Variants in DNAH3 observed in about 807,000 individuals in gnomAD.
DNAH3 encodes axonemal beta dynein heavy chain 3.
Under a neutral mutation model 432.5 loss-of-function variants are expected in DNAH3, and 332 were observed. That is an observed-to-expected ratio of 0.77 (90% CI 0.70 to 0.84). The LOEUF (loss-of-function observed/expected upper bound fraction) is 0.84, where lower values mean the gene tolerates loss of function less well. DNAH3 is among the 40% of genes least tolerant of loss of function. DNAH3 has a pLI of 0.00. For missense variants in DNAH3, 4,861 were observed against 5,114.0 expected, an observed-to-expected ratio of 0.95 and a Z score of 1.51; for synonymous variants, 1,956 against 1,900.2, an observed-to-expected ratio of 1.03 and a Z score of -0.76.
At chr16:21,129,717 A>G (rs907360877) in intron 7 of DNAH3, among the ~76,000 whole-genome samples, 1 of 151,996 alleles carries the variant, frequency 6.6e-6, no homozygotes, top group African/African-American at 2.4e-5. Context: ...AGCCTGGGCA[A>G]CAGAGCAAGG....
intron 9 of DNAH3, among the ~76,000 whole-genome samples, chr16:21,122,771 A>C (rs1597428418): frequency 6.7e-6 from 1 of 149,080 alleles, no homozygotes; most frequent in Non-Finnish European, 1.5e-5. Flanking sequence ...ATCTCCTCCC[A>C]CTTCTGAACT....
At position 21,040,189 on chromosome 16, in the gene DNAH3, G is replaced by C. The variant is rs185603444; in HGVS notation, c.4639-246C>G. On this transcript the variant is annotated intron_variant, in intron 32 of 61. Coordinates refer to ENST00000261383, the Ensembl canonical transcript of DNAH3. ...TGTTACTTACATTGGGTCCCTCAAT[G>C]GTTCTGTGGAAGGCCCTAGGTGCTG... 2.4e-3 allele frequency among the ~76,000 whole-genome samples: 361 copies of C among 151,954 alleles called. 7 individuals are homozygous for C. Among genetic ancestry groups the C allele is most frequent in the Non-Finnish European group, 1.8e-3 (122 of 67,982 alleles).
chr16:21,060,227 C>A, intron 26 of DNAH3, 37 bp downstream of exon 26: 1 of 1,520,482 alleles, frequency 6.6e-7, no homozygotes, highest in South Asian at 1.1e-5. Context: ...CTTTAGTGCA[C>A]TAGTGTCCTG....
At chr16:21,029,482 TC>T (rs1184658668) in intron 37 of DNAH3, among the ~76,000 whole-genome samples, 4 of 152,198 alleles carry the variant, frequency 2.6e-5, no homozygotes, top group African/African-American at 4.8e-5. Context: ...TATCTAATCT[TC>T]GTAACAGTAT....
intron 40 of DNAH3, among the ~76,000 whole-genome samples, chr16:21,020,202 T>C (rs1401341492): frequency 1.3e-5 from 2 of 149,846 alleles, no homozygotes; most frequent in East Asian, 3.9e-4. Flanking sequence ...TGTATTTTTT[T>C]ATAGAGATGG....
At chr16:21,041,640 C>A (rs947396218) in intron 32 of DNAH3, among the ~76,000 whole-genome samples, 1 of 152,158 alleles carries the variant, frequency 6.6e-6, no homozygotes, top group Non-Finnish European at 1.5e-5. Context: ...AATTTACCCC[C>A]AGGTAGGTAC....
At chr16:21,124,004 C>A (rs1188287109) in intron 9 of DNAH3, among the ~76,000 whole-genome samples, 1 of 152,234 alleles carries the variant, frequency 6.6e-6, no homozygotes, top group East Asian at 1.9e-4. Context: ...GTCGACCAGG[C>A]TGGTCTCAAA....
rs375401392 is a variant in DNAH3, at chr16:20,979,356, G to A, written c.8050C>T (p.Gln2684Ter). The change falls in exon 50 of 62, where the codon CAG becomes TAG. Residue 2684 changes from glutamine to a stop codon, truncating the protein, a stop_gained. Coordinates refer to ENST00000261383, the Ensembl canonical transcript of DNAH3. LOFTEE classifies it high-confidence loss of function. ...TGAGAAGCTGCAAAGTCGAGTTTCT[G>A]CAAGCCTGTCAGGTAGCGGTTCCTC... The A allele has an allele frequency of 2.3e-5, 37 of 1,613,976 alleles. No homozygotes were observed. Among genetic ancestry groups the A allele is most frequent in the Non-Finnish European group, 3.0e-5 (35 of 1,180,028 alleles).
exon 48 of DNAH3, chr16:20,985,563 C>T (rs748030434): frequency 6.2e-7 from 1 of 1,614,174 alleles, no homozygotes; most frequent in Admixed American, 1.7e-5. Flanking sequence ...TGAATTCTTC[C>T]AGATAGTGCT....
chr16:21,034,060 T>C (rs2089035602), exon 36 of DNAH3: 2 of 1,613,384 alleles, frequency 1.2e-6, no homozygotes, highest in East Asian at 2.2e-5. Flanking sequence ...CATATAGCCA[T>C]GTCTCACCAG....
intron 43 of DNAH3, among the ~76,000 whole-genome samples, chr16:20,998,671 C>T (rs189783893): frequency 7.1e-6 from 1 of 139,904 alleles, no homozygotes. Context: ...CAGAGGCACT[C>T]AATGAAATGG....
intron 49 of DNAH3, among the ~76,000 whole-genome samples, chr16:20,982,060 T>C (rs916567732): frequency 2.7e-5 from 4 of 149,824 alleles, no homozygotes; most frequent in African/African-American, 9.7e-5. Flanking sequence ...ATGTGCTTTA[T>C]ACATAAAAGA....
chr16:21,069,738 T>A (rs2090713752), intron 22 of DNAH3, 144 bp from the exon 23 acceptor site: 1 of 697,766 alleles, frequency 1.4e-6, no homozygotes, highest in South Asian at 2.0e-5. Context: ...GAGGGCTCCC[T>A]ATGCTCTGGT....
exon 50 of DNAH3, chr16:20,979,543 G>A (rs542658669): frequency 2.7e-5 from 44 of 1,613,948 alleles, no homozygotes; most frequent in East Asian, 4.5e-5. Flanking sequence ...ACATGGACAC[G>A]ACCCTGCCGA....
At chr16:21,102,982 C>T (rs1004549926) in intron 16 of DNAH3, among the ~76,000 whole-genome samples, 3 of 151,380 alleles carry the variant, frequency 2.0e-5, no homozygotes, top group African/African-American at 7.3e-5. Context: ...CTGCCTGCCT[C>T]GGCCTCCCAA....
intron 18 of DNAH3, 75 bp downstream of exon 18, chr16:21,097,280 C>T: frequency 6.4e-7 from 1 of 1,565,772 alleles, no homozygotes; most frequent in Non-Finnish European, 8.7e-7. Context: ...TAAGTGCAAA[C>T]CATATTTCAG....
intron 52 of DNAH3, among the ~76,000 whole-genome samples, chr16:20,966,746 T>C (rs1596988726): frequency 6.6e-6 from 1 of 152,272 alleles, no homozygotes; most frequent in East Asian, 1.9e-4. Flanking sequence ...CCTTCCCTAG[T>C]CTGGGAGGTG....
exon 43 of DNAH3, chr16:21,000,440 G>C: frequency 6.2e-7 from 1 of 1,614,102 alleles, no homozygotes; most frequent in Non-Finnish European, 8.5e-7. Context: ...AACAGCATTG[G>C]AATCTCATGG....
chr16:21,046,393 C>T (rs2089698293), intron 31 of DNAH3, among the ~76,000 whole-genome samples: 1 of 151,202 alleles, frequency 6.6e-6, no homozygotes, highest in Admixed American at 6.6e-5. Flanking sequence ...GGATAGTTAG[C>T]TCTTCTTGTT....
Sources: gnomAD v4.1 joint callset for allele counts (sites outside exome capture counted in the v4.1 genomes callset) on GRCh38, gnomAD v4.1.1 for gene constraint, MANE v1.5 for transcripts, NCBI Gene and HGNC (gene_info 2026-07-23, HGNC 2026-07-21) for gene names.